The following SYNJ1 variants were observed in gnomAD, a reference collection of about 807,000 sequenced individuals.
SYNJ1 encodes the protein synaptojanin 1.
SYNJ1 carries 78 observed loss-of-function variants against 168.2 expected under a neutral mutation model. That is an observed-to-expected ratio of 0.46 (90% CI 0.39 to 0.56). SYNJ1 has a LOEUF of 0.56. Ranked by LOEUF, SYNJ1 falls within the 20% of genes least tolerant of loss-of-function variation. The pLI, the probability that SYNJ1 is intolerant of heterozygous loss-of-function variation, is 0.00. For synonymous variants in SYNJ1, 539 were observed against 548.6 expected (o/e 0.98, Z 0.24); for missense variants, 1,303 against 1,597.6 (o/e 0.82, Z 3.14).
intron 2 of SYNJ1, among the ~76,000 whole-genome samples, chr21:32,705,919 C>T (rs564345941): frequency 5.9e-5 from 9 of 152,232 alleles, no homozygotes; most frequent in African/African-American, 2.2e-4. Context: ...CCTGGGAAGT[C>T]AAGGCTGCAG....
At chr21:32,631,893 G>A in intron 32 of SYNJ1, 92 bp from the exon 33 acceptor site, 1 of 1,183,580 alleles carries the variant, frequency 8.4e-7, no homozygotes, top group Non-Finnish European at 1.2e-6. Flanking sequence ...CCTTTTAGGG[G>A]CAAGCATGTA....
chr21:32,645,628 G>A lies in SYNJ1; in HGVS notation c.3391+18C>T, dbSNP rs2145774870. 1 of 1,515,476 alleles carries A rather than the reference G, an allele frequency of 6.6e-7. No individual in the cohort carries two copies. Among genetic ancestry groups the A allele is most frequent in the South Asian group, 1.3e-5 (1 of 75,802 alleles). 93.9% of individuals were successfully genotyped at this position (1,515,476 alleles called of 1,614,324 possible). A position where few individuals can be genotyped will look rare whatever the true frequency, so the allele number is the denominator to read the frequency against. ...AAGAATTTTACATCTAGCAGAAATG[G>A]AAATAAAAGGTTGTCACCTGAAGGC... On this transcript the variant is annotated intron_variant, in intron 25 of 32. Transcript: ENST00000674351.
intron 2 of SYNJ1, among the ~76,000 whole-genome samples, chr21:32,720,784 T>C (rs1272701188): frequency 1.3e-5 from 2 of 152,264 alleles, no homozygotes; most frequent in African/African-American, 4.8e-5. Flanking sequence ...ATCTTTTACG[T>C]AGAGGTCCAT....
At chr21:32,663,933 T>C (rs1263530840) in intron 18 of SYNJ1, among the ~76,000 whole-genome samples, 2 of 152,184 alleles carry the variant, frequency 1.3e-5, no homozygotes, top group African/African-American at 4.8e-5. Flanking sequence ...AATTGCTGTC[T>C]ATACACAGAT....
At chr21:32,669,895 T>C (rs2041121275) in intron 15 of SYNJ1, among the ~76,000 whole-genome samples, 1 of 152,208 alleles carries the variant, frequency 6.6e-6, no homozygotes, top group Non-Finnish European at 1.5e-5. Context: ...AACTAGACAT[T>C]AAAGAGATTT....
intron 24 of SYNJ1, 105 bp downstream of exon 24, chr21:32,646,288 C>A: frequency 8.7e-7 from 1 of 1,142,862 alleles, no homozygotes; most frequent in African/African-American, 1.5e-5. Flanking sequence ...CCGGAGAAAA[C>A]AGGGTGCACT....
intron 2 of SYNJ1, among the ~76,000 whole-genome samples, chr21:32,713,283 CATGG>C (rs1440005206): frequency 2.7e-5 from 4 of 147,434 alleles, no homozygotes; most frequent in African/African-American, 1.0e-4. Flanking sequence ...CATATGTCAA[CATGG>C]ATGATTTCCC....
chr21:32,678,264 C>T (rs1601392892), intron 12 of SYNJ1, among the ~76,000 whole-genome samples: 1 of 152,010 alleles, frequency 6.6e-6, no homozygotes, highest in East Asian at 1.9e-4. Flanking sequence ...AAAAAATAAC[C>T]AATATAGGCA....
intron 2 of SYNJ1, among the ~76,000 whole-genome samples, chr21:32,722,143 C>G (rs1265991293): frequency 6.8e-6 from 1 of 147,118 alleles, no homozygotes; most frequent in Non-Finnish European, 1.5e-5. Flanking sequence ...CGAGATCGTG[C>G]CATTGCACTC....
intron 2 of SYNJ1, among the ~76,000 whole-genome samples, chr21:32,711,329 G>T (rs2042820287): frequency 6.6e-6 from 1 of 151,436 alleles, no homozygotes; most frequent in Admixed American, 6.6e-5. Context: ...TTTTTCTGGA[G>T]TGACTTACTT....
intron 12 of SYNJ1, among the ~76,000 whole-genome samples, chr21:32,677,082 T>C (rs978981213): frequency 3.9e-5 from 6 of 152,136 alleles, no homozygotes; most frequent in South Asian, 2.1e-4. Context: ...ATATGAATAA[T>C]GGAGAAAGGG....
At chr21:32,726,438 G>A (rs1395192233) in intron 2 of SYNJ1, among the ~76,000 whole-genome samples, 1 of 152,122 alleles carries the variant, frequency 6.6e-6, no homozygotes, top group Non-Finnish European at 1.5e-5. Context: ...CAGTAAATAT[G>A]TCAAGCAAGA....
intron 21 of SYNJ1, chr21:32,653,664 C>CA (rs1458475514): frequency 7.8e-6 from 2 of 256,910 alleles, no homozygotes; most frequent in East Asian, 1.8e-4. Flanking sequence ...ATTGACAAGG[C>CA]AAAAAGGGAC....
At chr21:32,660,395 G>A (rs964520171) in intron 18 of SYNJ1, among the ~76,000 whole-genome samples, 2 of 152,208 alleles carry the variant, frequency 1.3e-5, no homozygotes. Flanking sequence ...GAAAATCCCC[G>A]CATAATCACT....
chr21:32,694,182 T>G, intron 6 of SYNJ1, 46 bp downstream of exon 6: 1 of 1,348,240 alleles, frequency 7.4e-7, no homozygotes, highest in Non-Finnish European at 1.0e-6. Flanking sequence ...TTAGAAAATA[T>G]GAAAATTGTT....
At chr21:32,704,426 C>T (rs552436340) in intron 2 of SYNJ1, among the ~76,000 whole-genome samples, 9 of 152,296 alleles carry the variant, frequency 5.9e-5, no homozygotes, top group East Asian at 1.9e-4. Context: ...AGATGTTTCC[C>T]TACTTTACGA....
intron 32 of SYNJ1, among the ~76,000 whole-genome samples, chr21:32,633,313 C>T (rs749819516): frequency 3.3e-5 from 5 of 152,094 alleles, no homozygotes; most frequent in Non-Finnish European, 7.3e-5. Flanking sequence ...TTGGTCCCTA[C>T]TCCATAAAGA....
chr21:32,698,814 C>T (rs2042298604), intron 4 of SYNJ1, among the ~76,000 whole-genome samples: 1 of 152,124 alleles, frequency 6.6e-6, no homozygotes, highest in African/African-American at 2.4e-5. Flanking sequence ...TCAAGACCAC[C>T]TACTTATAAC....
intron 5 of SYNJ1, among the ~76,000 whole-genome samples, 177 bp from the exon 6 acceptor site, chr21:32,694,488 T>TA (rs1046362195): frequency 2.0e-5 from 3 of 152,280 alleles, no homozygotes; most frequent in Admixed American, 2.0e-4. Context: ...CTGTTAGCGA[T>TA]ATTAACCAAA....
Sources: gnomAD v4.1 joint callset for allele counts (sites outside exome capture counted in the v4.1 genomes callset) on GRCh38, gnomAD v4.1.1 for gene constraint, MANE v1.5 for transcripts, NCBI Gene and HGNC (gene_info 2026-07-23, HGNC 2026-07-21) for gene names.